Variants in ERVH48-1 observed in about 807,000 individuals in gnomAD.
ERVH48-1 encodes endogenous retrovirus group 48 member 1, envelope, also known as suppressyn.
In ERVH48-1, 4 loss-of-function variants were observed where a neutral mutation model predicts 2.4. The observed-to-expected ratio is 1.68, with a 90% CI of 0.83 to 3.84. The LOEUF (loss-of-function observed/expected upper bound fraction) is 3.84, where lower values mean the gene tolerates loss of function less well. Ranked by LOEUF, ERVH48-1 falls within the 30% of genes most tolerant of loss-of-function variation. The pLI, the probability that ERVH48-1 is intolerant of heterozygous loss-of-function variation, is 0.01. For missense variants in ERVH48-1, 97 were observed against 43.4 expected, an observed-to-expected ratio of 2.23 and a Z score of -3.47; for synonymous variants, 32 against 15.5, an observed-to-expected ratio of 2.06 and a Z score of -2.49.
chr21:42,921,365 G>A (rs1433920684), intron 1 of ERVH48-1, among the ~76,000 whole-genome samples: 1 of 152,188 alleles, frequency 6.6e-6, no homozygotes, highest in East Asian at 1.9e-4. Context: ...GGAACCCAGA[G>A]CCTGAAATAT....
rs373129259 is a variant in ERVH48-1 at position 42,917,812 on chromosome 21, C to T, written c.*712G>A. On this transcript the variant is annotated 3_prime_UTR_variant, in exon 2 of 2. Transcript: ENST00000447535. ...TCAATGATCCGTTGCAGAGGCCACT[C>T]GTCCTCTCACAATCTTTGGCTCCCT... 1.3e-5 allele frequency: 2 copies of T among 152,264 alleles called. No homozygotes were observed. Among genetic ancestry groups the T allele is most frequent in the African/African-American group, 2.4e-5 (1 of 41,452 alleles). 9.4% of individuals were successfully genotyped at this position (152,264 alleles called of 1,614,324 possible).
intron 1 of ERVH48-1, among the ~76,000 whole-genome samples, chr21:42,920,315 T>C (rs2058802094): frequency 6.6e-6 from 1 of 152,148 alleles, no homozygotes; most frequent in Admixed American, 6.6e-5. Flanking sequence ...TTGCACGGGT[T>C]GTAGGGCCAT....
intron 1 of ERVH48-1, among the ~76,000 whole-genome samples, chr21:42,922,572 C>G (rs1051158972): frequency 3.3e-5 from 5 of 151,906 alleles, no homozygotes; most frequent in African/African-American, 1.2e-4. Flanking sequence ...AACCCCGTCT[C>G]TACTAAAAAT....
chr21:42,924,947 C>CTT (rs2058816438), intron 1 of ERVH48-1, among the ~76,000 whole-genome samples: 2 of 106,928 alleles, frequency 1.9e-5, no homozygotes, highest in Non-Finnish European at 3.8e-5. Flanking sequence ...CACACCTTAG[C>CTT]ATTTTTTTTT....
Position 42,918,532 on chromosome 21 carries a change from T to C in ERVH48-1, c.475A>G (p.Lys159Glu), listed in dbSNP as rs1346473770. 2.2e-6 allele frequency: 1 copy of C among 454,602 alleles called. No homozygotes were observed. Among genetic ancestry groups the C allele is most frequent in the Non-Finnish European group, 4.4e-6 (1 of 225,774 alleles). The allele number at this position is 454,602 out of a possible 1,614,324, so 28.2% of individuals were successfully genotyped here. A position where few individuals can be genotyped will look rare whatever the true frequency, so the allele number is the denominator to read the frequency against. Reference protein sequence around the residue: ...RPRHFHSFIQKL With the variant: ...RPRHFHSFIQEL ...GGAAGGGATGCATCTGCTTATAGTT[T>C]TTGTATAAAGGAATGGAAATGCCGC... The change falls in exon 2 of 2, where the codon AAA becomes GAA. Residue 159 changes from lysine to glutamate, a missense_variant. Physicochemically the swap from Lys to Glu is moderately conservative, Grantham distance 56. Transcript: ENST00000447535.
chr21:42,923,116 C>T (rs2058811560), intron 1 of ERVH48-1, among the ~76,000 whole-genome samples: 1 of 152,178 alleles, frequency 6.6e-6, no homozygotes, highest in Non-Finnish European at 1.5e-5. Flanking sequence ...AGTCCGACTT[C>T]CAGTGGGGTC....
At position 42,925,450 on chromosome 21, in the gene ERVH48-1, T is replaced by A; in HGVS notation, c.-390A>T. 1 of 464,486 alleles carries A rather than the reference T, an allele frequency of 2.2e-6. No homozygotes were observed. Among genetic ancestry groups the A allele is most frequent in the Non-Finnish European group, 4.0e-6 (1 of 250,318 alleles). The allele number at this position is 464,486 out of a possible 1,614,324, so 28.8% of individuals were successfully genotyped here. ...TGGCCTGCTTTCCCAGATGGAGGGGTGGTAGGTCCACTGGGGACGTGGACG... is the reference window on the plus strand; with the variant it reads ...TGGCCTGCTTTCCCAGATGGAGGGGAGGTAGGTCCACTGGGGACGTGGACG... On this transcript the variant is annotated 5_prime_UTR_variant, in exon 1 of 2. Transcript: ENST00000447535.
rs1433589546 is a variant in ERVH48-1, at chr21:42,917,121, C to G, written c.*1403G>C. On this transcript the variant is annotated 3_prime_UTR_variant, in exon 2 of 2. Transcript: ENST00000447535. Reference sequence around the variant, plus strand: ...CCCGAGGAGAATCTTCCATTCCTGTCTATTTGGTTATAGAAAAGGGGAAAG... The same window carrying G: ...CCCGAGGAGAATCTTCCATTCCTGTGTATTTGGTTATAGAAAAGGGGAAAG... The G allele has an allele frequency of 6.6e-6, 1 of 152,110 alleles. No individual in the cohort carries two copies. Among genetic ancestry groups the G allele is most frequent in the East Asian group, 1.9e-4 (1 of 5,206 alleles). 9.4% of individuals were successfully genotyped at this position (152,110 alleles called of 1,614,324 possible).
intron 1 of ERVH48-1, among the ~76,000 whole-genome samples, chr21:42,924,569 G>A (rs1351939724): frequency 6.6e-6 from 1 of 152,126 alleles, no homozygotes; most frequent in Non-Finnish European, 1.5e-5. Context: ...AGCAATAATT[G>A]CTTAAGTCAG....
chr21:42,923,214 C>T (rs998986826), intron 1 of ERVH48-1, among the ~76,000 whole-genome samples: 7 of 152,244 alleles, frequency 4.6e-5, no homozygotes, highest in African/African-American at 1.7e-4. Context: ...TTGAAACAGA[C>T]GCCAGGTGCA....
chr21:42,921,260 A>G (rs2058804713), intron 1 of ERVH48-1, among the ~76,000 whole-genome samples: 1 of 152,146 alleles, frequency 6.6e-6, no homozygotes, highest in Admixed American at 6.6e-5. Flanking sequence ...TGGAGTAGGC[A>G]GAAAGGTTGG....
At chr21:42,920,829 G>A (rs915791478) in intron 1 of ERVH48-1, among the ~76,000 whole-genome samples, 4 of 152,216 alleles carry the variant, frequency 2.6e-5, no homozygotes, top group Admixed American at 6.5e-5. Context: ...GGGAGGTAGT[G>A]GCTTCAGGTA....
rs185408109 is a variant in ERVH48-1 at position 42,921,417 on chromosome 21, C to T, written c.-285-2126G>A. Among the ~76,000 whole-genome samples the T allele has an allele frequency of 1.6e-4, 24 of 152,008 alleles. No homozygotes were observed. In the East Asian group the frequency reaches 4.1e-3, roughly 26 times the overall value. Reference sequence around the variant, plus strand: ...AAGAGAGAATTTCTTGCTTAGTTTGCGGAGGCGGGAGGGACTGGAAGAGGG... The same window carrying T: ...AAGAGAGAATTTCTTGCTTAGTTTGTGGAGGCGGGAGGGACTGGAAGAGGG... On this transcript the variant is annotated intron_variant, in intron 1 of 1. Coordinates refer to ENST00000447535, the MANE Select transcript of ERVH48-1 (RefSeq NM_001308491.2).
intron 1 of ERVH48-1, among the ~76,000 whole-genome samples, chr21:42,919,929 G>C (rs925069163): frequency 6.6e-5 from 10 of 152,130 alleles, no homozygotes; most frequent in African/African-American, 2.4e-4. Flanking sequence ...CCCTGGGCTT[G>C]GTGGGTAGGA....
chr21:42,921,827 TAAC>T (rs2058806980), intron 1 of ERVH48-1, among the ~76,000 whole-genome samples: 1 of 112,250 alleles, frequency 8.9e-6, no homozygotes, highest in Non-Finnish European at 1.8e-5. Flanking sequence ...TCTTCCCACA[TAAC>T]AACAAAGAGG....
At chr21:42,925,180 G>T (rs886282568) in intron 1 of ERVH48-1, among the ~76,000 whole-genome samples, 166 bp downstream of exon 1, 8 of 152,106 alleles carry the variant, frequency 5.3e-5, no homozygotes, top group African/African-American at 1.9e-4. Flanking sequence ...TCCTGATCTC[G>T]TGAATCCAAC....
chr21:42,917,371 T>C lies in ERVH48-1; in HGVS notation c.*1153A>G, dbSNP rs1348161811. On this transcript the variant is annotated 3_prime_UTR_variant, in exon 2 of 2. Coordinates refer to ENST00000447535, the MANE Select transcript of ERVH48-1 (RefSeq NM_001308491.2). ...AACAGGAGGACCCCAGTGATGAAAA[T>C]GACTGTCCCCACCAGCATTTTAAAT... is the stretch of plus-strand genomic sequence containing the variant. The C allele has an allele frequency of 6.6e-6, 1 of 152,018 alleles. No homozygotes were observed. Among genetic ancestry groups the C allele is most frequent in the East Asian group, 1.9e-4 (1 of 5,174 alleles). The allele number at this position is 152,018 out of a possible 1,614,324, so 9.4% of individuals were successfully genotyped here. A position where few individuals can be genotyped will look rare whatever the true frequency, so the allele number is the denominator to read the frequency against.
intron 1 of ERVH48-1, among the ~76,000 whole-genome samples, chr21:42,919,523 G>A (rs755282482): frequency 6.6e-6 from 1 of 152,164 alleles, no homozygotes; most frequent in Non-Finnish European, 1.5e-5. Context: ...GTCTCATGAG[G>A]GCGAAAGGGA....
intron 1 of ERVH48-1, among the ~76,000 whole-genome samples, chr21:42,922,195 G>T (rs76709135): frequency 6.6e-6 from 1 of 152,078 alleles, no homozygotes; most frequent in Non-Finnish European, 1.5e-5. Context: ...TAATGCAGAA[G>T]GGGGTGTGGT....
Sources: allele counts gnomAD v4.1 joint callset (sites outside exome capture counted in the v4.1 genomes callset), GRCh38; gene constraint gnomAD v4.1.1; transcripts MANE v1.5; gene names NCBI Gene and HGNC (gene_info 2026-07-23, HGNC 2026-07-21).